MPPED1: variants seen among roughly 807,000 people sequenced by gnomAD.
MPPED1 encodes metallophosphoesterase domain-containing protein 1.
A neutral mutation model predicts 36.2 loss-of-function variants in MPPED1; 16 were observed. The observed-to-expected ratio is 0.44, with a 90% CI of 0.30 to 0.67. The LOEUF is 0.67. Among genes scored for constraint, MPPED1 ranks in the 30% least tolerant of loss-of-function variants. The pLI, the probability that MPPED1 is intolerant of heterozygous loss-of-function variation, is 0.10. For synonymous variants in MPPED1, 199 were observed against 191.3 expected (o/e 1.04, Z -0.33); for missense variants, 307 against 453.4 (o/e 0.68, Z 2.93).
At position 43,432,856 on chromosome 22, in the gene MPPED1, GAGAAAGGGAGGAGAGAGAGAGGGAA is replaced by G. The variant is rs1293826731; in HGVS notation, c.225-2174_225-2150del. Reference sequence around the variant, plus strand: ...GAGAGAGAGAGAAAGGGAGGAGAGAGAGAAAGGGAGGAGAGAGAGAGGGAAAGAGAAAGGGAGGAGAGAGAGAGGG... The same window carrying G: ...GAGAGAGAGAGAAAGGGAGGAGAGAGAGAGAAAGGGAGGAGAGAGAGAGGG... On this transcript the variant is annotated intron_variant, in intron 2 of 6. Transcript: ENST00000443721. Among the ~76,000 whole-genome samples, 125 of 107,598 alleles carry G rather than the reference GAGAAAGGGAGGAGAGAGAGAGGGAA, an allele frequency of 1.2e-3. 6 individuals carry two copies. The highest frequency in any genetic ancestry group is 3.6e-3 in the African/African-American group (114 of 31,404). The allele number at this position is 107,598 out of a possible 152,430, so 70.6% of individuals were successfully genotyped here.
intron 2 of MPPED1, among the ~76,000 whole-genome samples, chr22:43,433,066 G>GTC (rs1171853786): frequency 5.3e-5 from 8 of 151,308 alleles, no homozygotes; most frequent in Non-Finnish European, 3.0e-5. Context: ...AGCTGTGTGT[G>GTC]GGGGGGCGGC....
intron 3 of MPPED1, among the ~76,000 whole-genome samples, chr22:43,468,165 C>A (rs949640426): frequency 1.3e-5 from 2 of 152,188 alleles, no homozygotes; most frequent in African/African-American, 4.8e-5. Context: ...AATGTCTTTG[C>A]AACAAGAAAT....
At chr22:43,470,996 G>T (rs1048825972) in intron 3 of MPPED1, among the ~76,000 whole-genome samples, 1 of 152,358 alleles carries the variant, frequency 6.6e-6, no homozygotes, top group East Asian at 1.9e-4. Flanking sequence ...CTTGCATTAT[G>T]TATGGGAGCT....
chr22:43,507,609 G>A lies in MPPED1; in HGVS notation c.*1993G>A, dbSNP rs1932832095. On this transcript the variant is annotated 3_prime_UTR_variant, in exon 7 of 7. Transcript: ENST00000443721. ...TCCACTCAATTTCTATGTGGACCAA[G>A]AACGATAAACTTAAAAAAATTTTTT... 6.6e-6 allele frequency: 1 copy of A among 152,154 alleles called. No individual in the cohort carries two copies. The highest frequency in any genetic ancestry group is 2.4e-5 in the African/African-American group (1 of 41,410). 9.4% of individuals were successfully genotyped at this position (152,154 alleles called of 1,614,324 possible).
chr22:43,447,181 C>T (rs780790478), intron 3 of MPPED1, among the ~76,000 whole-genome samples: 8 of 152,188 alleles, frequency 5.3e-5, no homozygotes, highest in Non-Finnish European at 1.0e-4. Context: ...CGCTTCTCTC[C>T]AGCTCATTCA....
chr22:43,470,081 A>AT (rs1931316378), intron 3 of MPPED1, among the ~76,000 whole-genome samples: 1 of 132,070 alleles, frequency 7.6e-6, no homozygotes, highest in Non-Finnish European at 1.7e-5. Flanking sequence ...CCATCCAGCC[A>AT]CCCATCCATC....
At chr22:43,492,847 G>A (rs747669489) in intron 4 of MPPED1, among the ~76,000 whole-genome samples, 16 of 152,306 alleles carry the variant, frequency 1.1e-4, no homozygotes, top group South Asian at 8.3e-4. Flanking sequence ...CTTTTAGTAC[G>A]TTCCCCTGGG....
At chr22:43,453,090 C>T (rs1433238540) in intron 3 of MPPED1, among the ~76,000 whole-genome samples, 2 of 151,864 alleles carry the variant, frequency 1.3e-5, no homozygotes, top group African/African-American at 2.4e-5. Flanking sequence ...GCTGGGACTA[C>T]AGGCACCCGC....
intron 6 of MPPED1, among the ~76,000 whole-genome samples, chr22:43,504,631 A>C (rs754857067): frequency 4.0e-5 from 6 of 151,422 alleles, no homozygotes; most frequent in Non-Finnish European, 7.4e-5. Flanking sequence ...GGCACTAGTG[A>C]TGGTGGTGGT....
Position 43,507,547 on chromosome 22 carries a change from G to A in MPPED1, c.*1931G>A, listed in dbSNP as rs1932831456. On this transcript the variant is annotated 3_prime_UTR_variant, in exon 7 of 7. Transcript: ENST00000443721. ...CTGATGCCCCAGGCGCAGGACATGT[G>A]TGCGGGTGGAGAAAAGCAGGCCCTT... 6.6e-6 allele frequency: 1 copy of A among 152,218 alleles called. No individual in the cohort carries two copies. Among genetic ancestry groups the A allele is most frequent in the South Asian group, 2.1e-4 (1 of 4,828 alleles). 9.4% of individuals were successfully genotyped at this position (152,218 alleles called of 1,614,324 possible).
In MPPED1 at chr22:43,484,532, G is replaced by A. The variant is rs565526639; in HGVS notation, c.632+9571G>A. Among the ~76,000 whole-genome samples the A allele has an allele frequency of 3.9e-5, 6 of 152,306 alleles. No homozygotes were observed. The South Asian group carries it at 1.0e-3, about 26-fold the overall frequency. ...CTGGATCCCTGTCCCCTTCTGTGAC[G>A]GATTCGTCCTGAGCACTGGGTCCTG... On this transcript the variant is annotated intron_variant, in intron 4 of 6. Coordinates refer to ENST00000443721, the MANE Select transcript of MPPED1 (RefSeq NM_001044370.2).
intron 4 of MPPED1, among the ~76,000 whole-genome samples, chr22:43,495,007 C>A (rs1461785645): frequency 6.6e-6 from 1 of 152,146 alleles, no homozygotes; most frequent in Non-Finnish European, 1.5e-5. Context: ...CATCACCTCC[C>A]AGAGACCCCA....
intron 1 of MPPED1, chr22:43,416,718 C>T (rs116084547): frequency 0.015 from 2,210 of 152,346 alleles, 22 homozygotes; most frequent in East Asian, 0.053. Context: ...AAAACTAGGA[C>T]GTAGCACTTT....
At chr22:43,415,016 G>A (rs1929027945) in intron 1 of MPPED1, among the ~76,000 whole-genome samples, 3 of 152,022 alleles carry the variant, frequency 2.0e-5, no homozygotes, top group Non-Finnish European at 4.4e-5. Flanking sequence ...AACACTTGGG[G>A]GTGGCAGGGA....
chr22:43,505,515 G>C lies in MPPED1; in HGVS notation c.880G>C (p.Asp294His). Residue 294 changes from aspartate (D) to histidine (H), a missense_variant, in exon 7 of 7, where the codon GAT becomes CAT. By Grantham distance (81) the Asp-to-His change is moderately conservative. Around this residue, in one of 3 missense-constraint regions of MPPED1, gnomAD observed 132 missense variants for 212.3 expected, o/e 0.62. Coordinates refer to ENST00000443721, the MANE Select transcript of MPPED1 (RefSeq NM_001044370.2). ...CTTTCCAGGGTATGGTGTCATGGCAGATGGGACGACCACCTATGTGAATGC... is the reference window on the plus strand; with the variant it reads ...CTTTCCAGGGTATGGTGTCATGGCACATGGGACGACCACCTATGTGAATGC... ...HIHEGYGVMA[D>H]GTTTYVNASV... 6.2e-7 allele frequency: 1 copy of C among 1,610,624 alleles called. No individual in the cohort carries two copies. Among genetic ancestry groups the C allele is most frequent in the Non-Finnish European group, 8.5e-7 (1 of 1,178,588 alleles).
intron 3 of MPPED1, among the ~76,000 whole-genome samples, chr22:43,442,463 C>T (rs917653841): frequency 2.6e-5 from 4 of 152,130 alleles, no homozygotes; most frequent in Non-Finnish European, 4.4e-5. Flanking sequence ...GGGCATCCCC[C>T]GTAATAGATC....
At chr22:43,440,708 A>G (rs927769007) in intron 3 of MPPED1, among the ~76,000 whole-genome samples, 1 of 151,734 alleles carries the variant, frequency 6.6e-6, no homozygotes, top group Admixed American at 6.6e-5. Flanking sequence ...CCCTCACTGC[A>G]CCCTCCACAG....
At chr22:43,448,032 C>A (rs921594074) in intron 3 of MPPED1, among the ~76,000 whole-genome samples, 1 of 151,430 alleles carries the variant, frequency 6.6e-6, no homozygotes, top group Admixed American at 6.6e-5. Context: ...GCACCCACCA[C>A]CACGCCTGGC....
chr22:43,486,272 A>G lies in MPPED1; in HGVS notation c.632+11311A>G, dbSNP rs569221123. ...ACTGGGGTGCTGGCAGTGTCTGGGG[A>G]AGGACTCGGGGCCAATGACAGATGT... is the stretch of plus-strand genomic sequence containing the variant. On this transcript the variant is annotated intron_variant, in intron 4 of 6. Transcript: ENST00000443721. Among the ~76,000 whole-genome samples the G allele has an allele frequency of 2.6e-5, 4 of 152,286 alleles. No individual in the cohort carries two copies. The East Asian group carries it at 7.7e-4, about 29-fold the overall frequency.
Sources: allele counts gnomAD v4.1 joint callset (sites outside exome capture counted in the v4.1 genomes callset), GRCh38; gene constraint gnomAD v4.1.1; regional missense constraint gnomAD v4.1.1; transcripts MANE v1.5; gene names NCBI Gene and HGNC (gene_info 2026-07-23, HGNC 2026-07-21).